The following BLOC1S5 variants were observed in gnomAD, a reference collection of about 807,000 sequenced individuals.
The protein encoded by BLOC1S5 is biogenesis of lysosomal organelles complex 1 subunit 5.
BLOC1S5 carries 27 observed loss-of-function variants against 24.3 expected under a neutral mutation model. The observed-to-expected ratio is 1.11, with a 90% CI of 0.82 to 1.53. The LOEUF is 1.53. Among genes scored for constraint, BLOC1S5 ranks in the 40% most tolerant of loss-of-function variants. BLOC1S5 has a pLI of 0.00. For synonymous variants in BLOC1S5, 84 were observed against 74.5 expected, an observed-to-expected ratio of 1.13 and a Z score of -0.66; for missense variants, 239 against 229.4, an observed-to-expected ratio of 1.04 and a Z score of -0.27.
chr6:8,063,163 T>C (rs1417655826), intron 1 of BLOC1S5, among the ~76,000 whole-genome samples: 2 of 152,118 alleles, frequency 1.3e-5, no homozygotes, highest in African/African-American at 2.4e-5. Context: ...GCAACAAAAC[T>C]ATAAAGAAAT....
At chr6:8,035,023 T>C (rs778102622) in intron 3 of BLOC1S5, among the ~76,000 whole-genome samples, 34 of 151,750 alleles carry the variant, frequency 2.2e-4, no homozygotes, top group Non-Finnish European at 4.0e-4. Context: ...TAAAAAGGAA[T>C]GAAATAATGA....
chr6:8,022,363 C>G (rs189566745), intron 4 of BLOC1S5, among the ~76,000 whole-genome samples: 1 of 151,084 alleles, frequency 6.6e-6, no homozygotes, highest in Admixed American at 6.6e-5. Context: ...ACCTGGTCTA[C>G]GGGAAAACTC....
In BLOC1S5 at chr6:8,014,178, T is replaced by C. The variant is rs1762664329; in HGVS notation, c.*1471A>G. 6.6e-6 allele frequency: 1 copy of C among 152,228 alleles called. No individual in the cohort carries two copies. Among genetic ancestry groups the C allele is most frequent in the South Asian group, 2.1e-4 (1 of 4,834 alleles). The allele number at this position is 152,228 out of a possible 1,614,324, so 9.4% of individuals were successfully genotyped here. ...AGCAATAAAAAATATGTGAAAGATT[T>C]ATCCATACCTCAAATTTGTTTACCA... On this transcript the variant is annotated 3_prime_UTR_variant, in exon 5 of 5. Coordinates refer to ENST00000397457, the MANE Select transcript of BLOC1S5 (RefSeq NM_201280.3).
At chr6:8,047,061 C>T (rs116452020) in intron 2 of BLOC1S5, among the ~76,000 whole-genome samples, 4,871 of 151,946 alleles carry the variant, frequency 0.032, 246 homozygotes, top group African/African-American at 0.11. Flanking sequence ...TGGAATTACA[C>T]GCATGAGCCA....
Position 8,038,711 on chromosome 6 carries a change from C to T in BLOC1S5, c.325+2428G>A, listed in dbSNP as rs182663727. Among the ~76,000 whole-genome samples the T allele has an allele frequency of 3.7e-3, 569 of 152,310 alleles. 1 individual carries two copies. The highest frequency in any genetic ancestry group is 0.012 in the African/African-American group (515 of 41,564). ...GTGTTAGCCAGGATGGTCTTGATCT[C>T]CTGACCTCATGATCCACCCGCCTCG... On this transcript the variant is annotated intron_variant, in intron 3 of 4. Coordinates refer to ENST00000397457, the MANE Select transcript of BLOC1S5 (RefSeq NM_201280.3).
chr6:8,015,854 C>T, intron 4 of BLOC1S5, 26 bp from the exon 5 acceptor site: 1 of 1,583,796 alleles, frequency 6.3e-7, no homozygotes, highest in Middle Eastern at 1.7e-4. Flanking sequence ...TAGAAAGTCA[C>T]ACGACATTTT....
intron 4 of BLOC1S5, among the ~76,000 whole-genome samples, chr6:8,019,424 A>G (rs1049305057): frequency 2.6e-5 from 4 of 151,892 alleles, no homozygotes; most frequent in Non-Finnish European, 5.9e-5. Context: ...AACCACCACC[A>G]CACCTGGACA....
At chr6:8,063,592 A>C (rs1757336359) in intron 1 of BLOC1S5, among the ~76,000 whole-genome samples, 1 of 152,194 alleles carries the variant, frequency 6.6e-6, no homozygotes, top group African/African-American at 2.4e-5. Context: ...CAAGTAGAAA[A>C]AATAATACAA....
chr6:8,049,717 CTT>C (rs1026280075), intron 2 of BLOC1S5, among the ~76,000 whole-genome samples: 1 of 146,812 alleles, frequency 6.8e-6, no homozygotes. Flanking sequence ...TATGTATATA[CTT>C]TTTTTTTTTT....
intron 4 of BLOC1S5, among the ~76,000 whole-genome samples, chr6:8,020,464 C>A (rs537653240): frequency 1.3e-5 from 2 of 152,334 alleles, no homozygotes; most frequent in East Asian, 3.9e-4. Context: ...GGGGCCAGTT[C>A]TTCTCCCCCA....
chr6:8,064,084 T>G (rs922321029), intron 1 of BLOC1S5, among the ~76,000 whole-genome samples, 181 bp downstream of exon 1: 1 of 152,098 alleles, frequency 6.6e-6, no homozygotes, highest in African/African-American at 2.4e-5. Context: ...TTGGGCTGGT[T>G]GGTTGTGGTG....
At chr6:8,059,978 C>T (rs561216508) in intron 2 of BLOC1S5, among the ~76,000 whole-genome samples, 74 of 152,342 alleles carry the variant, frequency 4.9e-4, no homozygotes, top group African/African-American at 1.7e-3. Context: ...TTATGCCTCA[C>T]ATAAAATAAG....
chr6:8,040,087 C>G (rs978542650), intron 3 of BLOC1S5, among the ~76,000 whole-genome samples: 8 of 152,156 alleles, frequency 5.3e-5, no homozygotes, highest in Non-Finnish European at 1.0e-4. Context: ...TAAAGGCAGA[C>G]TTTTCTTACT....
At chr6:8,023,809 T>G (rs555307712) in intron 4 of BLOC1S5, among the ~76,000 whole-genome samples, 3 of 152,234 alleles carry the variant, frequency 2.0e-5, no homozygotes, top group Middle Eastern at 3.4e-3. Context: ...ATGACATACG[T>G]GTGTGTGCGT....
At chr6:8,063,837 T>C (rs1355082319) in intron 1 of BLOC1S5, among the ~76,000 whole-genome samples, 2 of 152,208 alleles carry the variant, frequency 1.3e-5, no homozygotes, top group Non-Finnish European at 2.9e-5. Flanking sequence ...GTATCTCACT[T>C]ACTCCTCGCA....
chr6:8,054,332 A>AT (rs1388987000), intron 2 of BLOC1S5: 2 of 426,708 alleles, frequency 4.7e-6, no homozygotes, highest in Non-Finnish European at 9.2e-6. Context: ...CAGCCACTGG[A>AT]TATTACACTG....
At chr6:8,038,245 C>T (rs917902059) in intron 3 of BLOC1S5, among the ~76,000 whole-genome samples, 4 of 152,168 alleles carry the variant, frequency 2.6e-5, no homozygotes, top group African/African-American at 7.2e-5. Flanking sequence ...CATTAGCAAA[C>T]TATTCATCTG....
rs918797879 is a variant in BLOC1S5, at chr6:8,044,108, C to G, written c.196-2840G>C. The stretch of plus-strand genomic sequence containing the variant: ...ACAAGCCTGGCCAACACGGTGAAAC[C>G]CCATCTCTACTAAAGATACAAAAAA... On this transcript the variant is annotated intron_variant, in intron 2 of 4. Coordinates refer to ENST00000397457, the MANE Select transcript of BLOC1S5 (RefSeq NM_201280.3). 2.6e-5 allele frequency among the ~76,000 whole-genome samples: 4 copies of G among 151,862 alleles called. No homozygotes were observed. In the East Asian group the frequency reaches 7.7e-4, roughly 29 times the overall value.
intron 2 of BLOC1S5, among the ~76,000 whole-genome samples, chr6:8,046,720 A>G (rs1311640980): frequency 6.6e-6 from 1 of 152,140 alleles, no homozygotes; most frequent in East Asian, 1.9e-4. Context: ...CAAATCCTAG[A>G]AAGTATATCA....
Sources: allele counts gnomAD v4.1 joint callset (sites outside exome capture counted in the v4.1 genomes callset), GRCh38; gene constraint gnomAD v4.1.1; transcripts MANE v1.5; gene names NCBI Gene and HGNC (gene_info 2026-07-23, HGNC 2026-07-21).